The following HIBCH variants were observed in gnomAD, a reference collection of about 807,000 sequenced individuals.
HIBCH encodes 3-hydroxyisobutyryl-CoA hydrolase, mitochondrial.
In HIBCH, 50 loss-of-function variants were observed where a neutral mutation model predicts 58.2. That is an observed-to-expected ratio of 0.86 (90% confidence interval 0.68 to 1.09). The LOEUF (loss-of-function observed/expected upper bound fraction) is 1.09. HIBCH is among the 50% of genes least tolerant of loss of function. The probability of loss-of-function intolerance (pLI) is 0.00; values close to 1 mark genes in which losing one functional copy is unlikely to be tolerated. For synonymous variants in HIBCH, 151 were observed against 146.9 expected (o/e 1.03, Z -0.20); for missense variants, 450 against 449.7 (o/e 1.00, Z -0.01).
At chr2:190,298,681 T>C (rs1688177762) in intron 2 of HIBCH, among the ~76,000 whole-genome samples, 1 of 152,200 alleles carries the variant, frequency 6.6e-6, no homozygotes, top group Non-Finnish European at 1.5e-5. Context: ...TCTCCCATTC[T>C]GTAGACTGCC....
intron 6 of HIBCH, among the ~76,000 whole-genome samples, chr2:190,269,539 G>A (rs575788037): frequency 1.3e-5 from 2 of 152,268 alleles, no homozygotes; most frequent in South Asian, 4.2e-4. Context: ...TCTCACACCA[G>A]TTAGAATGGT....
chr2:190,286,298 T>TTATA (rs200981921), intron 6 of HIBCH, among the ~76,000 whole-genome samples: 2,325 of 152,318 alleles, frequency 0.015, 14 homozygotes, highest in Non-Finnish European at 0.023. Flanking sequence ...CCAATCATAC[T>TTATA]TCTATATGAC....
At chr2:190,198,794 G>A (rs1308255491) in intron 1 of HIBCH, among the ~76,000 whole-genome samples, 2 of 152,082 alleles carry the variant, frequency 1.3e-5, no homozygotes, top group Non-Finnish European at 2.9e-5. Context: ...AAATGAAGCT[G>A]TCTTGTATTG....
intron 12 of HIBCH, among the ~76,000 whole-genome samples, chr2:190,212,153 C>T (rs1254838991): frequency 2.6e-5 from 4 of 152,160 alleles, no homozygotes; most frequent in Non-Finnish European, 4.4e-5. Context: ...AAGTGCCTAG[C>T]GTAGTACCTG....
intron 11 of HIBCH, among the ~76,000 whole-genome samples, chr2:190,226,308 A>G (rs1407478603): frequency 6.6e-6 from 1 of 151,956 alleles, no homozygotes; most frequent in Non-Finnish European, 1.5e-5. Context: ...GAAAAAGAGG[A>G]AGTCAGGCCA....
chr2:190,212,072 G>A (rs60824447), intron 12 of HIBCH, among the ~76,000 whole-genome samples: 2,312 of 152,288 alleles, frequency 0.015, 63 homozygotes, highest in African/African-American at 0.051. Context: ...TTCTTCATCT[G>A]TAAAATGGAG....
chr2:190,232,028 T>TA (rs971704292), intron 11 of HIBCH, among the ~76,000 whole-genome samples: 39 of 152,068 alleles, frequency 2.6e-4, no homozygotes, highest in African/African-American at 8.9e-4. Context: ...AAACCCAGTC[T>TA]ACTAAAAACT....
At chr2:190,257,022 A>G (rs556850342) in intron 7 of HIBCH, among the ~76,000 whole-genome samples, 48 of 152,348 alleles carry the variant, frequency 3.2e-4, no homozygotes, top group African/African-American at 1.1e-3. Flanking sequence ...GGGTGGAAAA[A>G]AAGTATTTGT....
intron 11 of HIBCH, among the ~76,000 whole-genome samples, chr2:190,219,888 T>C (rs1559016452): frequency 6.6e-6 from 1 of 152,214 alleles, no homozygotes; most frequent in Non-Finnish European, 1.5e-5. Flanking sequence ...CATTTTATTT[T>C]ACAATGTAAA....
At chr2:190,235,105 C>A (rs960322400) in intron 11 of HIBCH, among the ~76,000 whole-genome samples, 4 of 152,128 alleles carry the variant, frequency 2.6e-5, no homozygotes, top group Non-Finnish European at 5.9e-5. Context: ...AGGAAGGGGC[C>A]AGGGGAAGAA....
At chr2:190,276,359 T>C (rs185930619) in intron 6 of HIBCH, among the ~76,000 whole-genome samples, 16 of 152,316 alleles carry the variant, frequency 1.1e-4, no homozygotes, top group African/African-American at 2.4e-4. Context: ...ATCCACCTTA[T>C]AGACCTGATT....
At chr2:190,235,229 A>C (rs987807039) in intron 11 of HIBCH, among the ~76,000 whole-genome samples, 1 of 152,232 alleles carries the variant, frequency 6.6e-6, no homozygotes, top group South Asian at 2.1e-4. Flanking sequence ...TCAGCTGCTT[A>C]ATTAATCACA....
At chr2:190,259,651 T>C (rs1225216869) in intron 7 of HIBCH, among the ~76,000 whole-genome samples, 3 of 152,240 alleles carry the variant, frequency 2.0e-5, no homozygotes, top group Non-Finnish European at 4.4e-5. Flanking sequence ...ATTTTTCAAA[T>C]AGTTTGTTGT....
chr2:190,256,085 G>C (rs1686914213), intron 7 of HIBCH, among the ~76,000 whole-genome samples: 1 of 152,092 alleles, frequency 6.6e-6, no homozygotes, highest in South Asian at 2.1e-4. Context: ...ATCAGCTCTT[G>C]TAAGAACTCA....
chr2:190,212,895 C>A, intron 12 of HIBCH, 61 bp downstream of exon 12: 1 of 1,436,898 alleles, frequency 7.0e-7, no homozygotes, highest in Non-Finnish European at 9.7e-7. Flanking sequence ...TTTACAAGTT[C>A]TACAATAAAC....
At chr2:190,237,734 T>C (rs899835223) in intron 11 of HIBCH, among the ~76,000 whole-genome samples, 1 of 152,152 alleles carries the variant, frequency 6.6e-6, no homozygotes, top group Non-Finnish European at 1.5e-5. Flanking sequence ...ACACGTGCCA[T>C]GGTGGTTTGC....
intron 3 of HIBCH, among the ~76,000 whole-genome samples, chr2:190,295,623 C>A (rs555520099): frequency 1.3e-5 from 2 of 152,178 alleles, no homozygotes; most frequent in African/African-American, 2.4e-5. Context: ...GCTGGAAAGA[C>A]GTGATTGTCC....
chr2:190,221,490 G>A (rs1024683782), intron 11 of HIBCH, among the ~76,000 whole-genome samples: 4 of 152,190 alleles, frequency 2.6e-5, no homozygotes, highest in African/African-American at 9.7e-5. Flanking sequence ...AAAGGGCATG[G>A]CAGCATACAA....
At chr2:190,251,574 T>TG (rs990697773) in intron 8 of HIBCH, 11 of 437,102 alleles carry the variant, frequency 2.5e-5, no homozygotes, top group Non-Finnish European at 4.7e-5. Context: ...GACGGGAAAA[T>TG]GGGGGGCAAA....
Sources: gnomAD v4.1 joint callset for allele counts (sites outside exome capture counted in the v4.1 genomes callset) on GRCh38, gnomAD v4.1.1 for gene constraint, MANE v1.5 for transcripts, NCBI Gene and HGNC (gene_info 2026-07-23, HGNC 2026-07-21) for gene names.